Variants in GATA6 observed in about 807,000 individuals in gnomAD.
GATA6 encodes the protein transcription factor GATA-6.
GATA6 carries 11 observed loss-of-function variants against 48.1 expected under a neutral mutation model. That is an observed-to-expected ratio of 0.23 (90% CI 0.14 to 0.38). GATA6 has a LOEUF of 0.38. GATA6 is among the 10% of genes least tolerant of loss of function. The pLI is 1.00. For missense variants in GATA6, 795 were observed against 850.3 expected (o/e 0.93, Z 0.81); for synonymous variants, 419 against 396.1 (o/e 1.06, Z -0.69).
In GATA6 at chr18:22,200,884, T is replaced by C. The variant is rs767451992; in HGVS notation, c.*61T>C. 1.3e-6 allele frequency: 2 copies of C among 1,536,722 alleles called. No homozygotes were observed. Among genetic ancestry groups the C allele is most frequent in the Non-Finnish European group, 1.8e-6 (2 of 1,132,184 alleles). Reference sequence around the variant, plus strand: ...CGGGCCTCACTCCACTCGTGTCTGCTTTTGTGCAGCGGTCCAGACAGTGGC... The same window carrying C: ...CGGGCCTCACTCCACTCGTGTCTGCCTTTGTGCAGCGGTCCAGACAGTGGC... On this transcript the variant is annotated 3_prime_UTR_variant, in exon 7 of 7. Coordinates refer to ENST00000269216, the MANE Select transcript of GATA6 (RefSeq NM_005257.6).
intron 6 of GATA6, among the ~76,000 whole-genome samples, chr18:22,184,919 G>A (rs1682519245): frequency 6.6e-6 from 1 of 152,222 alleles, no homozygotes. Flanking sequence ...GAGGACTGCT[G>A]CCAGCTCCAA....
At position 22,170,349 on chromosome 18, in the gene GATA6, G is replaced by A. The variant is rs965822757; in HGVS notation, c.-38+667G>A. 2.0e-5 allele frequency among the ~76,000 whole-genome samples: 3 copies of A among 152,248 alleles called. No individual in the cohort carries two copies. The highest frequency in any genetic ancestry group is 4.4e-5 in the Non-Finnish European group (3 of 68,042). The stretch of plus-strand genomic sequence containing the variant: ...ACGCTGGTGGCTGCAGGCGCGGGCC[G>A]TGTCTAAGGTGTGCGGCGCCGCGGG... On this transcript the variant is annotated intron_variant, in intron 1 of 6. Transcript: ENST00000269216. The surrounding 1 kb of genome is among the most constrained non-coding windows in gnomAD (Gnocchi z 6.7).
Position 22,170,923 on chromosome 18 carries a change from C to T in GATA6, c.-37-185C>T, listed in dbSNP as rs1334216594. 16 of 595,078 alleles carry T rather than the reference C, an allele frequency of 2.7e-5. No individual in the cohort carries two copies. The highest frequency in any genetic ancestry group is 4.5e-4 in the Middle Eastern group (1 of 2,224). The allele number at this position is 595,078 out of a possible 1,614,324, so 36.9% of individuals were successfully genotyped here. ...CTGTGGCGGCTGCGCAGGCTCCCTT[C>T]CCCTCCCTTATTGATCTCCACGCCC... On this transcript the variant is annotated intron_variant, in intron 1 of 6. Transcript: ENST00000269216. The surrounding 1 kb of genome is among the most constrained non-coding windows in gnomAD (Gnocchi z 6.7).
intron 4 of GATA6, among the ~76,000 whole-genome samples, chr18:22,182,412 C>G (rs2033209879): frequency 6.7e-6 from 1 of 149,578 alleles, no homozygotes. Flanking sequence ...GGCTGGAGTG[C>G]AGTGGTGCTA....
Position 22,171,666 on chromosome 18 carries a change from CGCGGCGGCAGCAGCCGCG to C in GATA6, c.531_548del (p.Ala178_Ala183del), listed in dbSNP as rs1198054146. ...CCGGCGGCTTCGTGCACTCTGCGGC[CGCGGCGGCAGCAGCCGCG>C]GCGGCGGCCAGCTCCCCGGTCTACG... is the stretch of plus-strand genomic sequence containing the variant. On this transcript the variant is annotated inframe_deletion, in exon 2 of 7. Transcript: ENST00000269216. The surrounding 1 kb of genome is among the most constrained non-coding windows in gnomAD (Gnocchi z 7.1). 5.3e-6 allele frequency: 8 copies of C among 1,519,800 alleles called. No individual in the cohort carries two copies. Among genetic ancestry groups the C allele is most frequent in the East Asian group, 2.6e-5 (1 of 39,134 alleles). 94.1% of individuals were successfully genotyped at this position (1,519,800 alleles called of 1,614,324 possible).
In GATA6 at chr18:22,194,427, G is replaced by A. The variant is rs149446058; in HGVS notation, c.1621-6229G>A. ...GATCAGGGAGAGAGCAGGGACCTCC[G>A]CCTGGCCTGTGCTGCCTGCCGAAAG... On this transcript the variant is annotated intron_variant, in intron 6 of 6. Transcript: ENST00000269216. 2.4e-4 allele frequency among the ~76,000 whole-genome samples: 37 copies of A among 152,288 alleles called. No homozygotes were observed. In the Middle Eastern group the frequency reaches 0.01, roughly 42 times the overall value.
chr18:22,173,331 T>C (rs1293209092), intron 2 of GATA6, among the ~76,000 whole-genome samples: 1 of 152,184 alleles, frequency 6.6e-6, no homozygotes, highest in Non-Finnish European at 1.5e-5. Flanking sequence ...TCTTTTTTTA[T>C]TGTAGTTTGT....
chr18:22,191,086 G>T (rs1039168235), intron 6 of GATA6, among the ~76,000 whole-genome samples: 10 of 145,498 alleles, frequency 6.9e-5, no homozygotes, highest in Admixed American at 2.1e-4. Flanking sequence ...AGGGAGGATG[G>T]TAAGAAGTAG....
intron 6 of GATA6, among the ~76,000 whole-genome samples, chr18:22,187,896 C>T (rs1227704943): frequency 6.6e-6 from 1 of 151,944 alleles, no homozygotes; most frequent in Non-Finnish European, 1.5e-5. Flanking sequence ...AACAAGGAGT[C>T]ACTGAACATA....
Position 22,170,960 on chromosome 18 carries a change from AGGATCTTTGAGAAGTCTCAAATG to A in GATA6, c.-37-131_-37-109del. The A allele has an allele frequency of 4.8e-6, 3 of 620,060 alleles. No homozygotes were observed. Among genetic ancestry groups the A allele is most frequent in the South Asian group, 3.8e-5 (2 of 52,036 alleles). 38.4% of individuals were successfully genotyped at this position (620,060 alleles called of 1,614,324 possible). A position where few individuals can be genotyped will look rare whatever the true frequency, so the allele number is the denominator to read the frequency against. ...TGATCTCCACGCCCGGGGCAGAAAT[AGGATCTTTGAGAAGTCTCAAATG>A]GGATCTTTGAGAAGTCAGATCCCAT... On this transcript the variant is annotated intron_variant, in intron 1 of 6. Transcript: ENST00000269216. This position sits in a 1 kb window ranked among gnomAD's most constrained non-coding sequence, Gnocchi z 6.7.
Position 22,177,019 on chromosome 18 carries a change from G to A in GATA6, c.1200G>A (p.Leu400=), listed in dbSNP as rs2033129611. The A allele has an allele frequency of 1.9e-6, 3 of 1,574,600 alleles. No homozygotes were observed. The highest frequency in any genetic ancestry group is 1.8e-5 in the Admixed American group (1 of 54,944). The change falls in exon 3 of 7, where the codon CTG becomes CTA. Residue 400 remains leucine, a synonymous_variant. Coordinates refer to ENST00000269216, the MANE Select transcript of GATA6 (RefSeq NM_005257.6). The part of the protein sequence containing the change: ...CVNCGSIQTP[L]WRRDGTGHYL... ...ACTGCGGCTCCATCCAGACGCCGCT[G>A]TGGCGGCGGGACGGCACCGGCCACT...
At chr18:22,197,730 A>AG (rs1491459461) in intron 6 of GATA6, among the ~76,000 whole-genome samples, 2 of 152,154 alleles carry the variant, frequency 1.3e-5, no homozygotes, top group African/African-American at 4.8e-5. Flanking sequence ...GAGGAGGCTC[A>AG]GGGGGGACTG....
chr18:22,177,124 G>A lies in GATA6; in HGVS notation c.1302+3G>A, dbSNP rs896413516. ...TCATCAAGCCGCAGAAGCGCGTGGT[G>A]AGTGTGACCCGCCCTGCCCCTGGCT... is the stretch of plus-strand genomic sequence containing the variant. On this transcript the variant is annotated splice_donor_region_variant and intron_variant, in intron 3 of 6. Coordinates refer to ENST00000269216, the MANE Select transcript of GATA6 (RefSeq NM_005257.6). 6 of 1,546,598 alleles carry A rather than the reference G, an allele frequency of 3.9e-6. No homozygotes were observed. The highest frequency in any genetic ancestry group is 2.0e-5 in the Admixed American group (1 of 51,118).
rs764972406 is a variant in GATA6 at position 22,172,651 on chromosome 18, A to G, written c.1135+372A>G. ...GCGCTTGAGCCCCATCGCAGACCCT[A>G]CTTTGGGTGAGTGGAAGAAATTCCA... On this transcript the variant is annotated intron_variant, in intron 2 of 6. Transcript: ENST00000269216. This position sits in a 1 kb window ranked among gnomAD's most constrained non-coding sequence, Gnocchi z 5.2. Among the ~76,000 whole-genome samples the G allele has an allele frequency of 6.6e-6, 1 of 152,158 alleles. No homozygotes were observed. The highest frequency in any genetic ancestry group is 2.4e-5 in the African/African-American group (1 of 41,440).
chr18:22,175,962 T>A (rs888074517), intron 2 of GATA6, among the ~76,000 whole-genome samples: 1 of 152,236 alleles, frequency 6.6e-6, no homozygotes, highest in African/African-American at 2.4e-5. Context: ...AATAAGTACC[T>A]TTCTCATTTT....
chr18:22,183,683 G>A (rs2033225943), intron 6 of GATA6, among the ~76,000 whole-genome samples: 1 of 152,206 alleles, frequency 6.6e-6, no homozygotes, highest in African/African-American at 2.4e-5. Context: ...AGATGCCTGG[G>A]TCTTCGTGAG....
At chr18:22,195,432 A>G (rs2033378476) in intron 6 of GATA6, among the ~76,000 whole-genome samples, 1 of 152,076 alleles carries the variant, frequency 6.6e-6, no homozygotes, top group African/African-American at 2.4e-5. Context: ...TCTGGTACTC[A>G]TGTCTTCTAT....
At chr18:22,190,627 C>T (rs180723773) in intron 6 of GATA6, among the ~76,000 whole-genome samples, 1 of 152,156 alleles carries the variant, frequency 6.6e-6, no homozygotes, top group East Asian at 1.9e-4. Flanking sequence ...ATTATTGCCT[C>T]ATTTATAAAC....
At chr18:22,181,300 G>A (rs1191208065) in intron 3 of GATA6, among the ~76,000 whole-genome samples, 153 bp from the exon 4 acceptor site, 1 of 152,122 alleles carries the variant, frequency 6.6e-6, no homozygotes, top group Non-Finnish European at 1.5e-5. Flanking sequence ...GTCAGTATAA[G>A]TACACTGCAA....
Sources: allele counts gnomAD v4.1 joint callset (sites outside exome capture counted in the v4.1 genomes callset), GRCh38; gene constraint gnomAD v4.1.1; non-coding constraint Gnocchi (gnomAD v3.1); transcripts MANE v1.5; gene names NCBI Gene and HGNC (gene_info 2026-07-23, HGNC 2026-07-21).